The following PTGER2 variants were observed in gnomAD, a reference collection of about 807,000 sequenced individuals.
The protein encoded by PTGER2 is prostaglandin E2 receptor EP2 subtype.
Under a neutral mutation model 26.2 loss-of-function variants are expected in PTGER2, and 22 were observed. That is an observed-to-expected ratio of 0.84 (90% CI 0.60 to 1.20). The LOEUF (loss-of-function observed/expected upper bound fraction) is 1.20, where lower values mean the gene tolerates loss of function less well. PTGER2 is among the 50% of genes most tolerant of loss of function. PTGER2 has a pLI of 0.00. For synonymous variants in PTGER2, 219 were observed against 208.9 expected (o/e 1.05, Z -0.42); for missense variants, 458 against 475.2 (o/e 0.96, Z 0.34).
intron 1 of PTGER2, among the ~76,000 whole-genome samples, chr14:52,324,355 A>G (rs1671515314): frequency 1.3e-5 from 2 of 152,252 alleles, no homozygotes; most frequent in Admixed American, 1.3e-4. Flanking sequence ...GAATAATTTC[A>G]GCAGGCTCTA....
At chr14:52,316,932 C>T (rs532309599) in intron 1 of PTGER2, among the ~76,000 whole-genome samples, 8 of 152,026 alleles carry the variant, frequency 5.3e-5, no homozygotes, top group South Asian at 2.1e-4. Flanking sequence ...GCAACAGAAA[C>T]GCTGTGATGT....
intron 1 of PTGER2, among the ~76,000 whole-genome samples, chr14:52,319,603 T>C (rs570810115): frequency 6.6e-6 from 1 of 152,374 alleles, no homozygotes; most frequent in South Asian, 2.1e-4. Flanking sequence ...ATAGAAACTT[T>C]CTTCCTGAAA....
chr14:52,322,962 T>C (rs1467877811), intron 1 of PTGER2, among the ~76,000 whole-genome samples: 1 of 152,238 alleles, frequency 6.6e-6, no homozygotes, highest in Non-Finnish European at 1.5e-5. Flanking sequence ...ACATATGTTT[T>C]ACAATCAATT....
Position 52,315,390 on chromosome 14 carries a change from C to T in PTGER2, c.842C>T (p.Thr281Met), listed in dbSNP as rs757361407. ...ITFAVCSLPF[T>M]IFAYMNETSS... ...TTCGCCGTCTGCTCCTTGCCTTTCACGGTAAGTCACTCCCTACGTTTCCAC... is the reference window on the plus strand; with the variant it reads ...TTCGCCGTCTGCTCCTTGCCTTTCATGGTAAGTCACTCCCTACGTTTCCAC... The change falls in exon 1 of 2, where the codon ACG becomes ATG. Residue 281 changes from threonine to methionine, a missense_variant and splice_region_variant. By Grantham distance (81) the Thr-to-Met change is moderately conservative. Coordinates refer to ENST00000245457, the MANE Select transcript of PTGER2 (RefSeq NM_000956.4). 12 of 1,612,286 alleles carry T rather than the reference C, an allele frequency of 7.4e-6. No homozygotes were observed. The East Asian group carries it at 2.2e-4, about 30-fold the overall frequency.
Position 52,314,390 on chromosome 14 carries a change from G to T in PTGER2, c.-159G>T, listed in dbSNP as rs1020057415. On this transcript the variant is annotated 5_prime_UTR_variant, in exon 1 of 2. Coordinates refer to ENST00000245457, the MANE Select transcript of PTGER2 (RefSeq NM_000956.4). This position sits in a 1 kb window ranked among gnomAD's most constrained non-coding sequence, Gnocchi z 5.7. ...ACTCGGCGCGCGGCGGGAGACCCAG[G>T]GCAAGCCGCCGTCGGCGCGCTGGGT... The T allele has an allele frequency of 2.5e-5, 22 of 889,000 alleles. No individual in the cohort carries two copies. The highest frequency in any genetic ancestry group is 3.3e-5 in the Non-Finnish European group (22 of 671,464). The allele number at this position is 889,000 out of a possible 1,614,324, so 55.1% of individuals were successfully genotyped here.
chr14:52,320,956 A>G (rs907076582), intron 1 of PTGER2, among the ~76,000 whole-genome samples: 7 of 152,200 alleles, frequency 4.6e-5, no homozygotes, highest in Non-Finnish European at 8.8e-5. Flanking sequence ...ATATGAGTTT[A>G]TGTTTATATG....
chr14:52,317,057 A>G (rs1375033625), intron 1 of PTGER2, among the ~76,000 whole-genome samples: 2 of 152,234 alleles, frequency 1.3e-5, no homozygotes, highest in Admixed American at 6.5e-5. Context: ...ACATATATCT[A>G]TGAAAGAAAG....
At chr14:52,318,478 T>C (rs747672164) in intron 1 of PTGER2, among the ~76,000 whole-genome samples, 9 of 152,254 alleles carry the variant, frequency 5.9e-5, no homozygotes, top group Non-Finnish European at 1.2e-4. Context: ...TAATTATTAA[T>C]AAGCTATTCC....
intron 1 of PTGER2, among the ~76,000 whole-genome samples, chr14:52,320,167 T>C (rs1436743415): frequency 1.3e-5 from 2 of 152,248 alleles, no homozygotes; most frequent in Non-Finnish European, 2.9e-5. Flanking sequence ...TTAAGCATCA[T>C]TAACCATGTG....
rs543330911 is a variant in PTGER2 at position 52,314,976 on chromosome 14, T to C, written c.428T>C (p.Phe143Ser). Reference protein sequence around the residue: ...ERYLSIGHPYFYQRRVSRSGG... With the variant: ...ERYLSIGHPYSYQRRVSRSGG... Reference sequence around the variant, plus strand: ...TACCTCTCGATCGGGCACCCCTACTTCTACCAGCGCCGCGTCTCGCGCTCC... The same window carrying C: ...TACCTCTCGATCGGGCACCCCTACTCCTACCAGCGCCGCGTCTCGCGCTCC... The change falls in exon 1 of 2, where the codon TTC becomes TCC. Residue 143 changes from phenylalanine (F) to serine (S), a missense_variant. Transcript: ENST00000245457. This position sits in a 1 kb window ranked among gnomAD's most constrained non-coding sequence, Gnocchi z 5.7. The C allele has an allele frequency of 3.7e-6, 6 of 1,613,320 alleles. No individual in the cohort carries two copies. Among genetic ancestry groups the C allele is most frequent in the Admixed American group, 3.3e-5 (2 of 59,996 alleles).
intron 1 of PTGER2, among the ~76,000 whole-genome samples, chr14:52,321,484 C>A (rs1404865561): frequency 2.0e-5 from 3 of 151,736 alleles, no homozygotes. Flanking sequence ...GAAGAGAAAT[C>A]TTTGAAGAGA....
At chr14:52,325,095 C>T (rs1216662878) in intron 1 of PTGER2, among the ~76,000 whole-genome samples, 3 of 151,944 alleles carry the variant, frequency 2.0e-5, no homozygotes, top group African/African-American at 4.8e-5. Context: ...GTGGAGATCA[C>T]GCCACTGCAC....
intron 1 of PTGER2, among the ~76,000 whole-genome samples, chr14:52,316,223 G>A (rs1594635845): frequency 6.6e-6 from 1 of 152,206 alleles, no homozygotes; most frequent in African/African-American, 2.4e-5. Context: ...TCCCTCTCAG[G>A]AAGGGAAGAG....
In PTGER2 at chr14:52,315,222, T is replaced by A. The variant is rs1428630027; in HGVS notation, c.674T>A (p.Met225Lys). ...AGTGTCATTCTCAACCTCATCCGCA[T>A]GCACCGCCGAAGCCGGAGAAGCCGC... ...NFSVILNLIRMHRRSRRSRCG... is the reference protein window; with the variant it reads ...NFSVILNLIRKHRRSRRSRCG... The change falls in exon 1 of 2, where the codon ATG (methionine) becomes AAG (lysine). Residue 225 changes from methionine (M) to lysine (K), a missense_variant. By Grantham distance (95) the Met-to-Lys change is moderately conservative. Transcript: ENST00000245457. 1 of 1,611,548 alleles carries A rather than the reference T, an allele frequency of 6.2e-7. No homozygotes were observed. The highest frequency in any genetic ancestry group is 8.5e-7 in the Non-Finnish European group (1 of 1,179,918).
At chr14:52,318,049 G>A (rs1030308920) in intron 1 of PTGER2, among the ~76,000 whole-genome samples, 8 of 152,184 alleles carry the variant, frequency 5.3e-5, no homozygotes, top group Non-Finnish European at 1.0e-4. Context: ...CAAGCTCATG[G>A]CTACTGTTTG....
In PTGER2 at chr14:52,314,507, G is replaced by A. The variant is rs777058985; in HGVS notation, c.-42G>A. The A allele has an allele frequency of 6.9e-7, 1 of 1,451,144 alleles. No individual in the cohort carries two copies. The highest frequency in any genetic ancestry group is 2.6e-5 in the Admixed American group (1 of 37,952). 89.9% of individuals were successfully genotyped at this position (1,451,144 alleles called of 1,614,324 possible). ...TCAGACCCTCTTCCTCCCAGGTAAA[G>A]GCCGGGAGAGGAGGGCGCATCTCTT... is the stretch of plus-strand genomic sequence containing the variant. On this transcript the variant is annotated 5_prime_UTR_variant, in exon 1 of 2. Transcript: ENST00000245457. The surrounding 1 kb of genome is among the most constrained non-coding windows in gnomAD (Gnocchi z 5.7).
chr14:52,314,792 A>ACC lies in PTGER2; in HGVS notation c.245_246dup (p.Cys83ProfsTer35). The stretch of plus-strand genomic sequence containing the variant: ...GCTGGTGTTCACCGACCTGCTCGGG[A>ACC]CCTGCCTCATCAGCCCAGTGGTACT... On this transcript the variant is annotated frameshift_variant, in exon 1 of 2. Transcript: ENST00000245457. LOFTEE classifies it high-confidence loss of function. This position sits in a 1 kb window ranked among gnomAD's most constrained non-coding sequence, Gnocchi z 5.7. 1 of 1,612,420 alleles carries ACC rather than the reference A, an allele frequency of 6.2e-7. No homozygotes were observed. Among genetic ancestry groups the ACC allele is most frequent in the Non-Finnish European group, 8.5e-7 (1 of 1,179,550 alleles).
At chr14:52,323,887 C>T (rs1020354941) in intron 1 of PTGER2, among the ~76,000 whole-genome samples, 1 of 152,176 alleles carries the variant, frequency 6.6e-6, no homozygotes, top group African/African-American at 2.4e-5. Context: ...ATAACAAATA[C>T]ATTGGTAGTG....
intron 1 of PTGER2, among the ~76,000 whole-genome samples, chr14:52,323,986 T>C (rs970366409): frequency 3.9e-5 from 6 of 152,230 alleles, no homozygotes; most frequent in African/African-American, 9.6e-5. Flanking sequence ...TCTTATATCC[T>C]TTGTGACATC....
Sources: gnomAD v4.1 joint callset for allele counts (sites outside exome capture counted in the v4.1 genomes callset) on GRCh38, gnomAD v4.1.1 for gene constraint, Gnocchi (gnomAD v3.1) non-coding constraint, MANE v1.5 for transcripts, NCBI Gene and HGNC (gene_info 2026-07-23, HGNC 2026-07-21) for gene names.